The following APBB1IP variants were observed in gnomAD, a reference collection of about 807,000 sequenced individuals.
APBB1IP encodes the protein amyloid beta precursor protein binding family B member 1 interacting protein, also known as amyloid beta A4 precursor protein-binding family B member 1-interacting protein.
APBB1IP carries 27 observed loss-of-function variants against 64.9 expected under a neutral mutation model. That is an observed-to-expected ratio of 0.42 (90% CI 0.31 to 0.57). APBB1IP has a LOEUF of 0.57. Among genes scored for constraint, APBB1IP ranks in the 20% least tolerant of loss-of-function variants. APBB1IP has a pLI of 0.20. For synonymous variants in APBB1IP, 392 were observed against 331.0 expected (o/e 1.18, Z -2.00); for missense variants, 812 against 845.5 (o/e 0.96, Z 0.49).
At chr10:26,523,254 T>C (rs1836427428) in intron 8 of APBB1IP, among the ~76,000 whole-genome samples, 1 of 152,238 alleles carries the variant, frequency 6.6e-6, no homozygotes, top group Non-Finnish European at 1.5e-5. Context: ...TTCTTTGAAC[T>C]CCTTCCAAGG....
intron 8 of APBB1IP, among the ~76,000 whole-genome samples, chr10:26,527,619 G>C (rs1190859441): frequency 6.6e-6 from 1 of 150,666 alleles, no homozygotes; most frequent in Non-Finnish European, 1.5e-5. Flanking sequence ...CTCTCTCCAG[G>C]GTCTGCAGGC....
chr10:26,515,330 G>A (rs1836313126), intron 8 of APBB1IP, among the ~76,000 whole-genome samples: 1 of 152,166 alleles, frequency 6.6e-6, no homozygotes, highest in Admixed American at 6.6e-5. Flanking sequence ...TAGTAGAATG[G>A]CTCTGCCATT....
At chr10:26,492,506 A>C in intron 3 of APBB1IP, 108 bp downstream of exon 3, 2 of 957,152 alleles carry the variant, frequency 2.1e-6, no homozygotes, top group Non-Finnish European at 3.2e-6. Flanking sequence ...ATATCGGGGG[A>C]ACCAGCCCCC....
intron 2 of APBB1IP, among the ~76,000 whole-genome samples, chr10:26,472,643 A>G (rs898509624): frequency 6.6e-6 from 1 of 152,122 alleles, no homozygotes; most frequent in African/African-American, 2.4e-5. Flanking sequence ...TAAATGTTGA[A>G]AAACATCTTG....
At chr10:26,447,311 T>C (rs3006802) in intron 2 of APBB1IP, among the ~76,000 whole-genome samples, 100,235 of 147,868 alleles carry the variant, frequency 0.68, 34,438 homozygotes, top group East Asian at 0.94. Flanking sequence ...GGAAGCGGAG[T>C]TTGCAGTGAG....
At chr10:26,502,301 A>G (rs1422522977) in intron 5 of APBB1IP, among the ~76,000 whole-genome samples, 1 of 152,222 alleles carries the variant, frequency 6.6e-6, no homozygotes, top group Non-Finnish European at 1.5e-5. Flanking sequence ...GCCTGTTCAT[A>G]TGAGCTTGTC....
intron 2 of APBB1IP, among the ~76,000 whole-genome samples, chr10:26,467,355 TA>T (rs539016571): frequency 5.5e-4 from 80 of 146,706 alleles, no homozygotes; most frequent in African/African-American, 1.1e-3. Flanking sequence ...GCCTTTAAAT[TA>T]AAAAAAAAAA....
At chr10:26,514,676 T>TA (rs33916010) in intron 8 of APBB1IP, among the ~76,000 whole-genome samples, 10,292 of 147,176 alleles carry the variant, frequency 0.07, 687 homozygotes, top group African/African-American at 0.18. Context: ...TTTTACAGGT[T>TA]AAAAAAAAAA....
chr10:26,444,163 G>A (rs772737739), intron 2 of APBB1IP, among the ~76,000 whole-genome samples: 2 of 152,166 alleles, frequency 1.3e-5, no homozygotes, highest in Non-Finnish European at 2.9e-5. Flanking sequence ...CGAGGCTGTA[G>A]GGCAGGGGCA....
At chr10:26,510,570 A>C (rs1388854827) in intron 6 of APBB1IP, among the ~76,000 whole-genome samples, 1 of 152,070 alleles carries the variant, frequency 6.6e-6, no homozygotes, top group Non-Finnish European at 1.5e-5. Context: ...TTGCCTCTAC[A>C]AAAAAATGAA....
At chr10:26,475,781 T>TACTTTTTTC (rs1414651838) in intron 2 of APBB1IP, among the ~76,000 whole-genome samples, 1 of 152,232 alleles carries the variant, frequency 6.6e-6, no homozygotes, top group African/African-American at 2.4e-5. Flanking sequence ...CTTTGCATAG[T>TACTTTTTTC]CTTTCCCTGC....
At chr10:26,447,043 G>C (rs900813792) in intron 2 of APBB1IP, among the ~76,000 whole-genome samples, 16 of 152,088 alleles carry the variant, frequency 1.1e-4, no homozygotes, top group Non-Finnish European at 1.9e-4. Flanking sequence ...ATTATGGGGG[G>C]ATGATCAAGA....
At chr10:26,529,819 T>G (rs757915431) in intron 8 of APBB1IP, among the ~76,000 whole-genome samples, 5 of 152,132 alleles carry the variant, frequency 3.3e-5, no homozygotes, top group Non-Finnish European at 5.9e-5. Context: ...TTTTGTATTT[T>G]TAGTAGAGAC....
At position 26,533,210 on chromosome 10, in the gene APBB1IP, G is replaced by T. The variant is rs787053; in HGVS notation, c.814-229G>T. On this transcript the variant is annotated intron_variant, in intron 8 of 14. Transcript: ENST00000376236. ...TTCGCTACTGTTTTCTATCTTCTGT[G>T]TTTTCATTGATTGTGTACACTATGG... Among the ~76,000 whole-genome samples the T allele has an allele frequency of 0.9, 136,327 of 152,194 alleles. 61,206 individuals carry two copies. Among genetic ancestry groups the T allele is most frequent in the East Asian group, 0.95 (4,943 of 5,184 alleles).
intron 2 of APBB1IP, among the ~76,000 whole-genome samples, chr10:26,469,723 C>T (rs1284875577): frequency 6.6e-6 from 1 of 152,110 alleles, no homozygotes; most frequent in Admixed American, 6.6e-5. Flanking sequence ...TAGTCCTGAA[C>T]ATTAAACCCA....
chr10:26,531,930 A>C (rs1836559902), intron 8 of APBB1IP, among the ~76,000 whole-genome samples: 1 of 152,186 alleles, frequency 6.6e-6, no homozygotes, highest in Admixed American at 6.5e-5. Context: ...TGGGTAACAG[A>C]GCAAGACCTT....
intron 2 of APBB1IP, among the ~76,000 whole-genome samples, chr10:26,451,246 G>A (rs189098219): frequency 1.6e-4 from 25 of 152,252 alleles, no homozygotes; most frequent in East Asian, 7.7e-4. Flanking sequence ...CATTAGAGTT[G>A]CCTTCGTTTT....
At chr10:26,495,511 G>A (rs969828162) in intron 3 of APBB1IP, among the ~76,000 whole-genome samples, 8 of 149,810 alleles carry the variant, frequency 5.3e-5, no homozygotes, top group African/African-American at 1.7e-4. Flanking sequence ...GCTCACACCT[G>A]TAATCCCAGC....
chr10:26,530,954 A>G (rs572303841), intron 8 of APBB1IP, among the ~76,000 whole-genome samples: 2 of 152,332 alleles, frequency 1.3e-5, no homozygotes, highest in East Asian at 3.9e-4. Context: ...CTATATTGTA[A>G]TTGCACTAAT....
Sources: allele counts gnomAD v4.1 joint callset (sites outside exome capture counted in the v4.1 genomes callset), GRCh38; gene constraint gnomAD v4.1.1; transcripts MANE v1.5; gene names NCBI Gene and HGNC (gene_info 2026-07-23, HGNC 2026-07-21).